Variants in AFF2 observed in about 807,000 individuals in gnomAD.
AFF2 encodes the protein ALF transcription elongation factor 2.
AFF2 carries 14 observed loss-of-function variants against 76.9 expected under a neutral mutation model. That is an observed-to-expected ratio of 0.18 (90% CI 0.12 to 0.28). The LOEUF (loss-of-function observed/expected upper bound fraction) is 0.28, where lower values mean the gene tolerates loss of function less well. AFF2 is among the 10% of genes least tolerant of loss of function. The probability of loss-of-function intolerance (pLI) is 1.00; values close to 1 mark genes in which losing one functional copy is unlikely to be tolerated. For synonymous variants in AFF2, 398 were observed against 366.7 expected, an observed-to-expected ratio of 1.09 and a Z score of -0.98; for missense variants, 868 against 1,001.1, an observed-to-expected ratio of 0.87 and a Z score of 1.79.
intron 3 of AFF2, among the ~76,000 whole-genome samples, chrX:148,708,033 C>A (rs1378811617): frequency 2.7e-5 from 3 of 111,781 alleles, no homozygotes; most frequent in Non-Finnish European, 3.8e-5. Context: ...CCTGCAGCCC[C>A]CTAAATCTTT....
At chrX:148,890,435 T>C (rs782436321) in intron 8 of AFF2, among the ~76,000 whole-genome samples, 1 of 112,332 alleles carries the variant, frequency 8.9e-6, no homozygotes, top group African/African-American at 3.2e-5. Flanking sequence ...AAACATTAAC[T>C]GGCAGCCCTC....
At chrX:148,554,837 T>C (rs2053034111) in intron 1 of AFF2, among the ~76,000 whole-genome samples, 1 of 112,374 alleles carries the variant, frequency 8.9e-6, no homozygotes, top group Non-Finnish European at 1.9e-5. Flanking sequence ...TCAATAGATG[T>C]GTGTTGAATG....
chrX:148,829,198 G>A (rs1328591047), intron 4 of AFF2, among the ~76,000 whole-genome samples: 1 of 112,482 alleles, frequency 8.9e-6, no homozygotes, highest in African/African-American at 3.2e-5. Context: ...ATTGCATTTT[G>A]CATTGACCCA....
At chrX:148,569,872 A>AT (rs1380856450) in intron 1 of AFF2, among the ~76,000 whole-genome samples, 2 of 111,725 alleles carry the variant, frequency 1.8e-5, no homozygotes, top group African/African-American at 6.5e-5. Context: ...TGTTTCAGTG[A>AT]TTTTTTCATA....
intron 3 of AFF2, among the ~76,000 whole-genome samples, chrX:148,744,750 T>C (rs1328585478): frequency 1.8e-5 from 2 of 111,810 alleles, no homozygotes; most frequent in African/African-American, 6.5e-5. Flanking sequence ...GGTGTCACTT[T>C]AGTGAGTTTT....
chrX:148,509,110 C>T (rs782732823), intron 1 of AFF2, among the ~76,000 whole-genome samples: 2 of 111,183 alleles, frequency 1.8e-5, no homozygotes, highest in Non-Finnish European at 3.8e-5. Context: ...ATGAAAGGAC[C>T]GTAGAAGATG....
intron 1 of AFF2, among the ~76,000 whole-genome samples, chrX:148,590,346 A>G (rs1160566288): frequency 9.0e-6 from 1 of 111,159 alleles, no homozygotes; most frequent in Non-Finnish European, 1.9e-5. Flanking sequence ...CTGCCTCTGC[A>G]TTCTGTTTCA....
At chrX:148,575,336 T>C (rs2053276055) in intron 1 of AFF2, among the ~76,000 whole-genome samples, 1 of 111,633 alleles carries the variant, frequency 9.0e-6, no homozygotes, top group Non-Finnish European at 1.9e-5. Context: ...TATAGAGAAA[T>C]TATATTACTG....
chrX:148,506,737 T>C (rs1046449123), intron 1 of AFF2, among the ~76,000 whole-genome samples: 7 of 111,683 alleles, frequency 6.3e-5, no homozygotes, highest in African/African-American at 2.3e-4. Context: ...GGTGGGAAGT[T>C]GGTAACATTT....
At chrX:148,629,263 G>A (rs2053957773) in intron 1 of AFF2, among the ~76,000 whole-genome samples, 1 of 111,121 alleles carries the variant, frequency 9.0e-6, no homozygotes, top group African/African-American at 3.3e-5. Context: ...TAAATATTAT[G>A]TGCTTCTAAT....
chrX:148,591,279 C>G (rs1362266604), intron 1 of AFF2, among the ~76,000 whole-genome samples: 1 of 111,727 alleles, frequency 9.0e-6, no homozygotes, highest in Non-Finnish European at 1.9e-5. Flanking sequence ...GGAAGGAACA[C>G]TTGACTATAT....
At chrX:148,941,231 A>C (rs1479740484) in intron 9 of AFF2, among the ~76,000 whole-genome samples, 2 of 111,535 alleles carry the variant, frequency 1.8e-5, no homozygotes, top group Non-Finnish European at 3.8e-5. Flanking sequence ...CTTGTTCTTA[A>C]TGTGAGTGTG....
chrX:148,583,323 A>G (rs1557245371), intron 1 of AFF2, among the ~76,000 whole-genome samples: 1 of 112,037 alleles, frequency 8.9e-6, no homozygotes. Context: ...TTCATTGACA[A>G]TTCTGCTGAA....
intron 20 of AFF2, among the ~76,000 whole-genome samples, chrX:148,987,824 T>C (rs1401631166): frequency 9.8e-5 from 11 of 112,019 alleles, no homozygotes; most frequent in Admixed American, 7.6e-4. Context: ...CTGACAAAGA[T>C]CAACACAGAG....
At chrX:148,522,064 A>T (rs782429215) in intron 1 of AFF2, among the ~76,000 whole-genome samples, 15 of 112,397 alleles carry the variant, frequency 1.3e-4, no homozygotes, top group Non-Finnish European at 2.3e-4. Context: ...CTGATGGCTA[A>T]ACAAGAATAC....
At chrX:148,509,197 A>G (rs1269409949) in intron 1 of AFF2, among the ~76,000 whole-genome samples, 1 of 112,130 alleles carries the variant, frequency 8.9e-6, no homozygotes, top group African/African-American at 3.2e-5. Context: ...CTGTAAGTAA[A>G]ACAGGAATTC....
At chrX:148,883,091 A>C (rs1237703455) in intron 7 of AFF2, among the ~76,000 whole-genome samples, 1 of 111,185 alleles carries the variant, frequency 9.0e-6, no homozygotes, top group Non-Finnish European at 1.9e-5. Context: ...AAATCATATA[A>C]TGTTGATTGG....
intron 3 of AFF2, among the ~76,000 whole-genome samples, chrX:148,802,920 A>C (rs2070078997): frequency 8.9e-6 from 1 of 112,136 alleles, no homozygotes; most frequent in Non-Finnish European, 1.9e-5. Context: ...GTATTAGTTC[A>C]ATCTAGTTTG....
At chrX:148,567,952 T>G (rs782491189) in intron 1 of AFF2, among the ~76,000 whole-genome samples, 1 of 111,079 alleles carries the variant, frequency 9.0e-6, no homozygotes. Context: ...CTCAGCAGTC[T>G]CCAGCATACT....
Sources: gnomAD v4.1 joint callset for allele counts (sites outside exome capture counted in the v4.1 genomes callset) on GRCh38, gnomAD v4.1.1 for gene constraint, MANE v1.5 for transcripts, NCBI Gene and HGNC (gene_info 2026-07-23, HGNC 2026-07-21) for gene names.